Variants in KLHL29 observed in about 807,000 individuals in gnomAD.
KLHL29 encodes kelch-like protein 29.
In KLHL29, 21 loss-of-function variants were observed where a neutral mutation model predicts 80.4. The ratio of observed to expected loss-of-function variants is 0.26; its 90% CI spans 0.19 to 0.38. The LOEUF is 0.38. Among genes scored for constraint, KLHL29 ranks in the 10% least tolerant of loss-of-function variants. The pLI is 1.00. For missense variants in KLHL29, 867 were observed against 1,223.9 expected (o/e 0.71, Z 4.35); for synonymous variants, 511 against 526.8 (o/e 0.97, Z 0.41).
intron 3 of KLHL29, among the ~76,000 whole-genome samples, chr2:23,615,916 A>G (rs1668992531): frequency 6.6e-6 from 1 of 151,850 alleles, no homozygotes; most frequent in Admixed American, 6.6e-5. Flanking sequence ...GATGGCAGAT[A>G]TTCCCTCCCC....
At chr2:23,496,676 G>C (rs1665274956) in intron 2 of KLHL29, among the ~76,000 whole-genome samples, 1 of 152,180 alleles carries the variant, frequency 6.6e-6, no homozygotes, top group Non-Finnish European at 1.5e-5. Flanking sequence ...GCTGCCCTAG[G>C]GGGCCCAGGG....
intron 13 of KLHL29, among the ~76,000 whole-genome samples, chr2:23,704,802 G>T (rs1376358810): frequency 6.6e-6 from 1 of 152,182 alleles, no homozygotes; most frequent in Non-Finnish European, 1.5e-5. Flanking sequence ...CTCATTGTCA[G>T]GACTCCCATA....
At chr2:23,439,193 TTCTC>T (rs1392258096) in intron 1 of KLHL29, among the ~76,000 whole-genome samples, 2 of 151,706 alleles carry the variant, frequency 1.3e-5, no homozygotes. Flanking sequence ...TATTTGATTC[TTCTC>T]TCTTTTTTTC....
chr2:23,482,091 G>A lies in KLHL29; in HGVS notation c.-46+6424G>A, dbSNP rs140887324. On this transcript the variant is annotated intron_variant, in intron 2 of 13. Coordinates refer to ENST00000486442, the MANE Select transcript of KLHL29 (RefSeq NM_052920.2). ...CTCAGTCCCATGCTAAACAGCAGGC[G>A]GAGATTGTCAACAAAAGGCTGGAGA... Among the ~76,000 whole-genome samples the A allele has an allele frequency of 1.8e-3, 273 of 152,186 alleles. 1 individual carries two copies. Among genetic ancestry groups the A allele is most frequent in the African/African-American group, 6.2e-3 (259 of 41,506 alleles).
At chr2:23,386,746 A>G (rs1666193282) in intron 1 of KLHL29, among the ~76,000 whole-genome samples, 1 of 151,716 alleles carries the variant, frequency 6.6e-6, no homozygotes, top group African/African-American at 2.4e-5. Context: ...CCCGGGCCCC[A>G]AGGGAGGGAC....
At chr2:23,436,280 TTGTGTGTGTGTGTGTGTGTGTGTG>T (rs57931176) in intron 1 of KLHL29, among the ~76,000 whole-genome samples, 47 of 137,038 alleles carry the variant, frequency 3.4e-4, no homozygotes, top group African/African-American at 1.1e-3. Flanking sequence ...CCAATCAGCT[TTGTGTGTGTGTGTGTGTGTGTGTG>T]TGTGTGTGTG....
At chr2:23,656,847 A>C (rs957004532) in intron 5 of KLHL29, among the ~76,000 whole-genome samples, 5 of 151,858 alleles carry the variant, frequency 3.3e-5, no homozygotes, top group Non-Finnish European at 5.9e-5. Flanking sequence ...AAACTCCCTA[A>C]GAAGGGCTTG....
At chr2:23,411,802 A>G (rs1184168046) in intron 1 of KLHL29, among the ~76,000 whole-genome samples, 1 of 152,068 alleles carries the variant, frequency 6.6e-6, no homozygotes, top group Non-Finnish European at 1.5e-5. Flanking sequence ...CTTTTGGCAG[A>G]GTGGAGATAA....
chr2:23,634,105 C>A (rs1311558929), intron 3 of KLHL29, among the ~76,000 whole-genome samples: 1 of 152,180 alleles, frequency 6.6e-6, no homozygotes, highest in Non-Finnish European at 1.5e-5. Context: ...CAGGGCAGGA[C>A]CTTGCCCAGC....
intron 13 of KLHL29, among the ~76,000 whole-genome samples, chr2:23,704,537 C>T (rs1380707959): frequency 1.3e-5 from 2 of 152,076 alleles, no homozygotes; most frequent in Non-Finnish European, 2.9e-5. Flanking sequence ...GAGGCCGAGG[C>T]GGATGGATCA....
At chr2:23,538,424 A>G (rs1406332735) in intron 2 of KLHL29, among the ~76,000 whole-genome samples, 4 of 152,166 alleles carry the variant, frequency 2.6e-5, no homozygotes, top group African/African-American at 4.8e-5. Context: ...TATCTTTATC[A>G]AGATGTCTAA....
chr2:23,421,224 A>G (rs1301580580), intron 1 of KLHL29, among the ~76,000 whole-genome samples: 1 of 152,198 alleles, frequency 6.6e-6, no homozygotes, highest in African/African-American at 2.4e-5. Flanking sequence ...ATGCTAGACA[A>G]TGGTTGGCAC....
intron 1 of KLHL29, among the ~76,000 whole-genome samples, chr2:23,426,188 C>T (rs192442855): frequency 1.9e-4 from 29 of 152,276 alleles, no homozygotes; most frequent in Admixed American, 1.3e-3. Flanking sequence ...GGTTAACTTA[C>T]GCAACAGCAG....
intron 1 of KLHL29, among the ~76,000 whole-genome samples, chr2:23,462,797 C>A (rs1486153500): frequency 5.9e-5 from 9 of 152,112 alleles, no homozygotes; most frequent in South Asian, 2.1e-4. Context: ...AGTATACTTA[C>A]AATGTTTAAT....
At chr2:23,636,211 C>CG (rs1487614076) in intron 3 of KLHL29, among the ~76,000 whole-genome samples, 2 of 152,182 alleles carry the variant, frequency 1.3e-5, no homozygotes, top group Non-Finnish European at 2.9e-5. Flanking sequence ...GTCACCCACC[C>CG]GGGGGCCCAG....
chr2:23,629,682 G>T (rs1458710099), intron 3 of KLHL29, among the ~76,000 whole-genome samples: 2 of 152,192 alleles, frequency 1.3e-5, no homozygotes, highest in Non-Finnish European at 2.9e-5. Flanking sequence ...CATCTGTGCT[G>T]CACTTTCAGC....
intron 1 of KLHL29, among the ~76,000 whole-genome samples, chr2:23,458,146 GGCC>G (rs1664114007): frequency 6.6e-6 from 1 of 152,222 alleles, no homozygotes; most frequent in Non-Finnish European, 1.5e-5. Context: ...CCCCAGAGAG[GGCC>G]CGTTTGAGTC....
rs182113922 is a variant in KLHL29, at chr2:23,706,141, G to A, written c.2445-340G>A. 6.6e-5 allele frequency among the ~76,000 whole-genome samples: 10 copies of A among 152,324 alleles called. No homozygotes were observed. The East Asian group carries it at 1.5e-3, about 24-fold the overall frequency. On this transcript the variant is annotated intron_variant, in intron 13 of 13. Transcript: ENST00000486442. ...TTGATTTGAGCAGTAGGAAGGCTGC[G>A]TGTGCCACACAAGAGCCTCCAGAAA...
In KLHL29 at chr2:23,703,249, T is replaced by G; in HGVS notation, c.2169T>G (p.Ala723=). 6.5e-7 allele frequency: 1 copy of G among 1,544,204 alleles called. No homozygotes were observed. Among genetic ancestry groups the G allele is most frequent in the Non-Finnish European group, 8.7e-7 (1 of 1,143,318 alleles). ...CTCTGCCCAAGGCAGTACACTCTGC[T>G]GCAGCCACAGTGTGTGGCGGCAAGA... ...VAPLPKAVHS[A]AATVCGGKIY... The change falls in exon 12 of 14, where the codon GCT becomes GCG. Residue 723 remains alanine, a synonymous_variant. Transcript: ENST00000486442.
Sources: gnomAD v4.1 joint callset for allele counts (sites outside exome capture counted in the v4.1 genomes callset) on GRCh38, gnomAD v4.1.1 for gene constraint, MANE v1.5 for transcripts, NCBI Gene and HGNC (gene_info 2026-07-23, HGNC 2026-07-21) for gene names.